Variants in TCF12 observed in about 807,000 individuals in gnomAD.
TCF12 encodes the protein DNA-binding protein HTF4.
A neutral mutation model predicts 86.0 loss-of-function variants in TCF12; 45 were observed. That is an observed-to-expected ratio of 0.52 (90% CI 0.41 to 0.67). TCF12 has a LOEUF of 0.67. Among genes scored for constraint, TCF12 ranks in the 30% least tolerant of loss-of-function variants. TCF12 has a pLI of 0.00. For synonymous variants in TCF12, 330 were observed against 299.6 expected (o/e 1.10, Z -1.05); for missense variants, 881 against 859.9 (o/e 1.02, Z -0.31).
At chr15:57,196,454 T>C (rs2057269837) in intron 7 of TCF12, among the ~76,000 whole-genome samples, 1 of 152,244 alleles carries the variant, frequency 6.6e-6, no homozygotes, top group African/African-American at 2.4e-5. Context: ...ATGATTGTGC[T>C]GTGATTGTTT....
intron 3 of TCF12, among the ~76,000 whole-genome samples, chr15:57,038,007 TAAAC>T (rs2066626796): frequency 6.6e-6 from 1 of 152,224 alleles, no homozygotes; most frequent in Non-Finnish European, 1.5e-5. Context: ...AAATAGGTTT[TAAAC>T]TAATATTCAT....
intron 18 of TCF12, among the ~76,000 whole-genome samples, chr15:57,271,047 C>G (rs1399343392): frequency 6.6e-6 from 1 of 152,338 alleles, no homozygotes; most frequent in Non-Finnish European, 1.5e-5. Context: ...AGGAGGCAGT[C>G]TCTCCATTAT....
In TCF12 at chr15:57,252,609, G is replaced by C. The variant is rs557311225; in HGVS notation, c.1260+117G>C. ...ATCTTTAAAAATCAAACAGTTGACT[G>C]TTTCAGTTTTTATCACAGTATATAG... On this transcript the variant is annotated intron_variant, in intron 15 of 20. Coordinates refer to ENST00000333725, the MANE Select transcript of TCF12 (RefSeq NM_207037.2). 1.1e-5 allele frequency: 9 copies of C among 843,366 alleles called. No individual in the cohort carries two copies. The African/African-American group carries it at 1.4e-4, about 13-fold the overall frequency. 52.2% of individuals were successfully genotyped at this position (843,366 alleles called of 1,614,324 possible). A position where few individuals can be genotyped will look rare whatever the true frequency, so the allele number is the denominator to read the frequency against.
chr15:57,082,646 A>T (rs548384018), intron 4 of TCF12, among the ~76,000 whole-genome samples: 1 of 152,296 alleles, frequency 6.6e-6, no homozygotes, highest in East Asian at 1.9e-4. Context: ...TTACAAGGGG[A>T]TTTTGGAAGC....
At position 57,273,832 on chromosome 15, in the gene TCF12, C is replaced by A. The variant is rs1597823408; in HGVS notation, c.1978+570C>A. Among the ~76,000 whole-genome samples the A allele has an allele frequency of 2.0e-5, 3 of 152,114 alleles. No homozygotes were observed. The South Asian group carries it at 6.2e-4, about 32-fold the overall frequency. Reference sequence around the variant, plus strand: ...AACATACATCGGCATGCCTCTGTGTCCTTAAGGGCAAAAGAGCTCACCCAG... The same window carrying A: ...AACATACATCGGCATGCCTCTGTGTACTTAAGGGCAAAAGAGCTCACCCAG... On this transcript the variant is annotated intron_variant, in intron 19 of 20. Coordinates refer to ENST00000333725, the MANE Select transcript of TCF12 (RefSeq NM_207037.2).
intron 3 of TCF12, among the ~76,000 whole-genome samples, chr15:56,999,701 C>G (rs1307187332): frequency 9.9e-5 from 15 of 152,072 alleles, no homozygotes; most frequent in Middle Eastern, 3.4e-3. Flanking sequence ...TGGTGAGACC[C>G]CGTCTTTACT....
At chr15:57,093,327 T>C (rs58050095) in intron 5 of TCF12, among the ~76,000 whole-genome samples, 11,922 of 152,190 alleles carry the variant, frequency 0.078, 566 homozygotes, top group African/African-American at 0.13. Flanking sequence ...TTTCCCCAAG[T>C]AGGATTTAAT....
chr15:57,099,762 A>T (rs1293723071), intron 5 of TCF12, among the ~76,000 whole-genome samples: 1 of 152,144 alleles, frequency 6.6e-6, no homozygotes, highest in Non-Finnish European at 1.5e-5. Context: ...TTCAACTTAT[A>T]GTAGATTTGT....
chr15:57,244,363 A>C (rs777465221), intron 13 of TCF12, among the ~76,000 whole-genome samples: 4 of 144,954 alleles, frequency 2.8e-5, no homozygotes, highest in Non-Finnish European at 4.7e-5. Flanking sequence ...TTTCCCATAG[A>C]TAAAAAAATT....
At chr15:57,208,033 C>CTTT (rs201258233) in intron 8 of TCF12, among the ~76,000 whole-genome samples, 1 of 137,104 alleles carries the variant, frequency 7.3e-6, no homozygotes. Flanking sequence ...CTTCAAGATT[C>CTTT]TTTTTTTTTT....
chr15:56,984,059 G>C (rs1334137205), intron 3 of TCF12, among the ~76,000 whole-genome samples: 1 of 140,592 alleles, frequency 7.1e-6, no homozygotes, highest in African/African-American at 2.6e-5. Flanking sequence ...ACCTCTTTTT[G>C]TTTAGTGTTT....
chr15:57,003,162 A>G lies in TCF12; in HGVS notation c.149-60588A>G, dbSNP rs114331574. On this transcript the variant is annotated intron_variant, in intron 3 of 20. Transcript: ENST00000333725. ...GTTGAGGAAATCTGGAGGTAATGTA[A>G]CATAGGGTAATGGGTAACTTCAGTG... Among the ~76,000 whole-genome samples, 588 of 152,312 alleles carry G rather than the reference A, an allele frequency of 3.9e-3. 2 individuals carry two copies. The highest frequency in any genetic ancestry group is 0.014 in the African/African-American group (569 of 41,562).
chr15:57,163,403 TGAA>T (rs2054633235), intron 5 of TCF12, among the ~76,000 whole-genome samples: 1 of 152,060 alleles, frequency 6.6e-6, no homozygotes, highest in Admixed American at 6.6e-5. Flanking sequence ...AAATAATCCT[TGAA>T]ATAATAATGC....
chr15:57,226,921 T>G (rs1288598976), intron 8 of TCF12, among the ~76,000 whole-genome samples: 1 of 121,692 alleles, frequency 8.2e-6, no homozygotes, highest in Non-Finnish European at 2.1e-5. Flanking sequence ...GACTGATAGC[T>G]ACTGTATTGT....
chr15:57,216,615 G>A (rs2058342471), intron 8 of TCF12, among the ~76,000 whole-genome samples: 1 of 148,682 alleles, frequency 6.7e-6, no homozygotes, highest in Non-Finnish European at 1.5e-5. Context: ...TACTAAAGCA[G>A]CACTTGATCC....
In TCF12 at chr15:57,192,294, G is replaced by A; in HGVS notation, c.526+1G>A. Reference sequence around the variant, plus strand: ...CCACTCCATGACTCTGCAGCGCTTGGTGAGTGTATCACACAACAAATCCCA... The same window carrying A: ...CCACTCCATGACTCTGCAGCGCTTGATGAGTGTATCACACAACAAATCCCA... On this transcript the variant is annotated splice_donor_variant, in intron 7 of 20. Coordinates refer to ENST00000333725, the MANE Select transcript of TCF12 (RefSeq NM_207037.2). LOFTEE classifies it high-confidence loss of function. The A allele has an allele frequency of 6.2e-7, 1 of 1,613,706 alleles. No individual in the cohort carries two copies. Among genetic ancestry groups the A allele is most frequent in the Non-Finnish European group, 8.5e-7 (1 of 1,179,896 alleles).
At chr15:57,105,703 C>T (rs536944053) in intron 5 of TCF12, among the ~76,000 whole-genome samples, 4 of 152,238 alleles carry the variant, frequency 2.6e-5, no homozygotes, top group South Asian at 4.2e-4. Flanking sequence ...TGAGCTACCA[C>T]GCCCAACCAT....
intron 3 of TCF12, among the ~76,000 whole-genome samples, chr15:56,938,034 T>C (rs2060544920): frequency 7.4e-6 from 1 of 135,790 alleles, no homozygotes; most frequent in African/African-American, 2.8e-5. Flanking sequence ...TTTTTTTTTT[T>C]CGTTTCTTTT....
intron 3 of TCF12, among the ~76,000 whole-genome samples, chr15:56,964,809 G>T (rs1324147035): frequency 1.3e-5 from 2 of 152,078 alleles, no homozygotes; most frequent in Non-Finnish European, 2.9e-5. Flanking sequence ...TTGATTGATG[G>T]TTTTAATTTT....
Sources: gnomAD v4.1 joint callset for allele counts (sites outside exome capture counted in the v4.1 genomes callset) on GRCh38, gnomAD v4.1.1 for gene constraint, MANE v1.5 for transcripts, NCBI Gene and HGNC (gene_info 2026-07-23, HGNC 2026-07-21) for gene names.